Variants in NOS1AP observed in about 807,000 individuals in gnomAD.
NOS1AP encodes the protein nitric oxide synthase 1 adaptor protein.
In NOS1AP, 21 loss-of-function variants were observed where a neutral mutation model predicts 56.2. That is an observed-to-expected ratio of 0.37 (90% CI 0.26 to 0.54). The LOEUF (loss-of-function observed/expected upper bound fraction) is 0.54, where lower values mean the gene tolerates loss of function less well. Among genes scored for constraint, NOS1AP ranks in the 20% least tolerant of loss-of-function variants. NOS1AP has a pLI of 0.84. For missense variants in NOS1AP, 522 were observed against 657.8 expected (o/e 0.79, Z 2.26); for synonymous variants, 270 against 274.6 (o/e 0.98, Z 0.17).
chr1:162,200,098 A>C (rs1359096973), intron 2 of NOS1AP, among the ~76,000 whole-genome samples: 1 of 152,176 alleles, frequency 6.6e-6, no homozygotes, highest in African/African-American at 2.4e-5. Context: ...GTAGAAAAAA[A>C]ATTACTGGCT....
intron 6 of NOS1AP, among the ~76,000 whole-genome samples, chr1:162,349,091 G>A (rs1355896961): frequency 1.3e-5 from 2 of 152,108 alleles, no homozygotes; most frequent in Non-Finnish European, 1.5e-5. Flanking sequence ...GGAGGCTGAG[G>A]TAGGAGAATT....
chr1:162,352,375 A>G (rs1571239187), intron 6 of NOS1AP, among the ~76,000 whole-genome samples: 1 of 148,122 alleles, frequency 6.8e-6, no homozygotes, highest in South Asian at 2.1e-4. Flanking sequence ...CTCCTCTTCT[A>G]CCTACCCCTT....
At chr1:162,079,477 A>G (rs4656348) in intron 1 of NOS1AP, among the ~76,000 whole-genome samples, 82,648 of 151,954 alleles carry the variant, frequency 0.54, 24,630 homozygotes, top group Non-Finnish European at 0.68. Flanking sequence ...GTAGCATAGC[A>G]TGGCATGAAT....
chr1:162,355,959 C>G (rs564834733), intron 7 of NOS1AP, among the ~76,000 whole-genome samples: 1 of 152,160 alleles, frequency 6.6e-6, no homozygotes, highest in Non-Finnish European at 1.5e-5. Context: ...CAACCTGAAG[C>G]CAAAGCTAAT....
chr1:162,341,419 T>G (rs1039331845), intron 5 of NOS1AP, among the ~76,000 whole-genome samples: 4 of 152,230 alleles, frequency 2.6e-5, no homozygotes, highest in African/African-American at 9.6e-5. Context: ...TTATTCAGTA[T>G]GAGATATCTG....
intron 1 of NOS1AP, among the ~76,000 whole-genome samples, chr1:162,100,650 T>A (rs1692371918): frequency 6.6e-6 from 1 of 152,096 alleles, no homozygotes; most frequent in Admixed American, 6.5e-5. Flanking sequence ...AGATCCCATT[T>A]GTCAATTTCG....
chr1:162,181,985 T>C (rs1289907561), intron 2 of NOS1AP, among the ~76,000 whole-genome samples: 1 of 152,168 alleles, frequency 6.6e-6, no homozygotes, highest in Non-Finnish European at 1.5e-5. Context: ...ACATTTGCAT[T>C]GGGCTTGTAT....
At chr1:162,288,846 A>C (rs887702721) in intron 3 of NOS1AP, among the ~76,000 whole-genome samples, 1 of 152,196 alleles carries the variant, frequency 6.6e-6, no homozygotes, top group African/African-American at 2.4e-5. Context: ...TGCTGTGTGC[A>C]TGGGCCCCAT....
At chr1:162,127,335 C>T (rs928305884) in intron 1 of NOS1AP, among the ~76,000 whole-genome samples, 5 of 152,046 alleles carry the variant, frequency 3.3e-5, no homozygotes, top group Non-Finnish European at 7.4e-5. Context: ...TCTGGGTTTA[C>T]AAAGTTTTAA....
At chr1:162,239,645 T>C (rs1653419158) in intron 2 of NOS1AP, among the ~76,000 whole-genome samples, 1 of 152,086 alleles carries the variant, frequency 6.6e-6, no homozygotes, top group South Asian at 2.1e-4. Flanking sequence ...GATTGCCTGA[T>C]ATGATTATTG....
rs1408497965 is a variant in NOS1AP, at chr1:162,370,155, A to G, written c.*2688A>G. On this transcript the variant is annotated 3_prime_UTR_variant, in exon 10 of 10. Coordinates refer to ENST00000361897, the MANE Select transcript of NOS1AP (RefSeq NM_014697.3). ...TGGAGCCAGGAAAGAATTTCTCTGC[A>G]CTGGATGGACTGTATATTGAGATTA... 6.6e-6 allele frequency: 1 copy of G among 152,214 alleles called. No homozygotes were observed. Among genetic ancestry groups the G allele is most frequent in the African/African-American group, 2.4e-5 (1 of 41,450 alleles). The allele number at this position is 152,214 out of a possible 1,614,324, so 9.4% of individuals were successfully genotyped here.
In NOS1AP at chr1:162,343,970, G is replaced by A; in HGVS notation, c.589G>A (p.Asp197Asn). 6.2e-7 allele frequency: 1 copy of A among 1,614,092 alleles called. No individual in the cohort carries two copies. The highest frequency in any genetic ancestry group is 8.5e-7 in the Non-Finnish European group (1 of 1,180,006). ...ESERNSNSSGDPGRQLTGAER... is the reference protein window; with the variant it reads ...ESERNSNSSGNPGRQLTGAER... ...CGAGAGGAACAGCAACAGCTCAGGA[G>A]ACCCAGGTAGGCACTGCGGCTTCTG... Residue 197 changes from aspartate (D) to asparagine (N), a missense_variant, in exon 6 of 10, where the codon GAC becomes AAC. This residue lies in a region of NOS1AP where 178 missense variants were observed against 165.0 expected (regional missense o/e 1.08). Transcript: ENST00000361897.
At chr1:162,143,120 C>G (rs16857031) in intron 1 of NOS1AP, among the ~76,000 whole-genome samples, 26,893 of 151,624 alleles carry the variant, frequency 0.18, 2,773 homozygotes, top group African/African-American at 0.29. Flanking sequence ...CCATGAGGTT[C>G]TGTGAGCAGT....
chr1:162,240,995 T>C (rs1446165125), intron 2 of NOS1AP, among the ~76,000 whole-genome samples: 2 of 151,980 alleles, frequency 1.3e-5, no homozygotes, highest in African/African-American at 4.8e-5. Context: ...AAAGGATGAG[T>C]AGAGGCTGAA....
At chr1:162,194,120 C>G (rs1441670496) in intron 2 of NOS1AP, among the ~76,000 whole-genome samples, 1 of 152,132 alleles carries the variant, frequency 6.6e-6, no homozygotes, top group Non-Finnish European at 1.5e-5. Context: ...GCCCTGTTTC[C>G]CATCTCAGAC....
rs1571111714 is a variant in NOS1AP, at chr1:162,188,314, A to G, written c.177+33838A>G. 6.6e-6 allele frequency among the ~76,000 whole-genome samples: 1 copy of G among 152,224 alleles called. No individual in the cohort carries two copies. The highest frequency in any genetic ancestry group is 2.4e-5 in the African/African-American group (1 of 41,462). On this transcript the variant is annotated intron_variant, in intron 2 of 9. Transcript: ENST00000361897. This position sits in a 1 kb window ranked among gnomAD's most constrained non-coding sequence, Gnocchi z 4.0. ...AAGCTACTCAGTATTCTGTTCCACA[A>G]ACTTCTGCTTAATGAGATAATTCTT...
intron 2 of NOS1AP, among the ~76,000 whole-genome samples, chr1:162,274,358 G>T (rs896032845): frequency 1.3e-5 from 2 of 152,160 alleles, no homozygotes; most frequent in African/African-American, 4.8e-5. Context: ...GTGGCTGCAG[G>T]CTGGAGAGGA....
chr1:162,078,943 A>G (rs1691830731), intron 1 of NOS1AP, among the ~76,000 whole-genome samples: 1 of 151,790 alleles, frequency 6.6e-6, no homozygotes, highest in Non-Finnish European at 1.5e-5. Context: ...GGTCCATGTC[A>G]CTCTGCCCCC....
chr1:162,119,607 G>T (rs954173453), intron 1 of NOS1AP, among the ~76,000 whole-genome samples: 1 of 152,154 alleles, frequency 6.6e-6, no homozygotes. Flanking sequence ...GGTTCAGTCA[G>T]TTTAAGAGAA....
Sources: gnomAD v4.1 joint callset for allele counts (sites outside exome capture counted in the v4.1 genomes callset) on GRCh38, gnomAD v4.1.1 for gene constraint, gnomAD v4.1.1 regional missense constraint, Gnocchi (gnomAD v3.1) non-coding constraint, MANE v1.5 for transcripts, NCBI Gene and HGNC (gene_info 2026-07-23, HGNC 2026-07-21) for gene names.